NTRK3: variants seen among roughly 807,000 people sequenced by gnomAD.
NTRK3 encodes the protein NT-3 growth factor receptor.
Under a neutral mutation model 91.7 loss-of-function variants are expected in NTRK3, and 24 were observed. That is an observed-to-expected ratio of 0.26 (90% confidence interval 0.19 to 0.37). NTRK3 has a LOEUF of 0.37. NTRK3 is among the 10% of genes least tolerant of loss of function. The pLI is 1.00. For missense variants in NTRK3, 880 were observed against 1,068.9 expected, an observed-to-expected ratio of 0.82 and a Z score of 2.46; for synonymous variants, 483 against 404.0, an observed-to-expected ratio of 1.20 and a Z score of -2.34.
At chr15:88,006,821 A>G (rs925990790) in intron 14 of NTRK3, among the ~76,000 whole-genome samples, 3 of 152,216 alleles carry the variant, frequency 2.0e-5, no homozygotes, top group African/African-American at 7.2e-5. Flanking sequence ...ACACATGCAC[A>G]GCCCATGACG....
At chr15:88,183,518 G>A (rs778616201) in intron 4 of NTRK3, 29 bp from the exon 5 acceptor site, 6 of 1,604,572 alleles carry the variant, frequency 3.7e-6, no homozygotes, top group Admixed American at 1.7e-5. Context: ...AGGATCAGCA[G>A]AGCTCAAGTG....
chr15:88,223,423 C>T (rs557168016), intron 3 of NTRK3, among the ~76,000 whole-genome samples: 30 of 152,300 alleles, frequency 2.0e-4, no homozygotes, highest in Admixed American at 1.4e-3. Flanking sequence ...AGCTGGCAGG[C>T]GAAGACTGCA....
In NTRK3 at chr15:88,153,367, C is replaced by T. The variant is rs150405283; in HGVS notation, c.396-5964G>A. Among the ~76,000 whole-genome samples, 1,026 of 152,174 alleles carry T rather than the reference C, an allele frequency of 6.7e-3. 49 individuals carry two copies. The East Asian group carries it at 0.13, about 19-fold the overall frequency. On this transcript the variant is annotated intron_variant, in intron 5 of 18. Coordinates refer to ENST00000394480, the Ensembl canonical transcript of NTRK3. ...AAGCGATTCTTCTGCCTACGCCTCC[C>T]GAGTAGCTGGGATTAAAGGCATGTG...
intron 3 of NTRK3, among the ~76,000 whole-genome samples, chr15:88,246,841 T>C (rs2052874019): frequency 6.6e-6 from 1 of 152,144 alleles, no homozygotes; most frequent in Non-Finnish European, 1.5e-5. Context: ...ATGCCCCTCA[T>C]AGAGGAGAGC....
At chr15:87,990,607 A>C (rs950359437) in intron 14 of NTRK3, among the ~76,000 whole-genome samples, 1 of 152,194 alleles carries the variant, frequency 6.6e-6, no homozygotes, top group African/African-American at 2.4e-5. Context: ...TTGCCTTTCT[A>C]TATTGGAGAA....
At chr15:87,895,277 T>C (rs1339267824) in intron 17 of NTRK3, among the ~76,000 whole-genome samples, 3 of 152,246 alleles carry the variant, frequency 2.0e-5, no homozygotes, top group Admixed American at 2.0e-4. Flanking sequence ...TACTGTACTA[T>C]AGCATACATA....
At chr15:88,120,253 T>TCTG (rs1437623863) in intron 13 of NTRK3, among the ~76,000 whole-genome samples, 6 of 152,204 alleles carry the variant, frequency 3.9e-5, no homozygotes, top group Admixed American at 3.9e-4. Flanking sequence ...AAATCAAGAC[T>TCTG]CTGGCAGGAT....
At position 87,944,836 on chromosome 15, in the gene NTRK3, C is replaced by G. The variant is rs140907578; in HGVS notation, c.1586-4083G>C. Reference sequence around the variant, plus strand: ...CGGGAGGAAGAGCCTCTGCTCAGGCCCTGGGGAATGACTGGAGTGAGCCGT... The same window carrying G: ...CGGGAGGAAGAGCCTCTGCTCAGGCGCTGGGGAATGACTGGAGTGAGCCGT... On this transcript the variant is annotated intron_variant, in intron 14 of 18. Coordinates refer to ENST00000394480, the Ensembl canonical transcript of NTRK3. 1.0e-3 allele frequency among the ~76,000 whole-genome samples: 154 copies of G among 152,300 alleles called. 1 individual carries two copies. Among genetic ancestry groups the G allele is most frequent in the African/African-American group, 3.4e-3 (143 of 41,550 alleles).
intron 13 of NTRK3, among the ~76,000 whole-genome samples, chr15:88,039,642 A>G: frequency 6.6e-6 from 1 of 152,236 alleles, no homozygotes; most frequent in East Asian, 1.9e-4. Flanking sequence ...CAGATGTTTG[A>G]AATGCTTGTT....
At chr15:87,964,060 G>C (rs1260209997) in intron 14 of NTRK3, among the ~76,000 whole-genome samples, 1 of 152,118 alleles carries the variant, frequency 6.6e-6, no homozygotes, top group Non-Finnish European at 1.5e-5. Flanking sequence ...AACTGGGGTG[G>C]GGAAGGGATT....
intron 14 of NTRK3, among the ~76,000 whole-genome samples, chr15:87,987,525 ATG>A (rs140007526): frequency 2.8e-4 from 41 of 148,130 alleles, no homozygotes; most frequent in East Asian, 4.0e-4. Context: ...AGATAGATAG[ATG>A]TGTGTGTGTG....
rs563526217 is a variant in NTRK3, at chr15:88,072,899, A to C, written c.1397-39854T>G. 1.3e-5 allele frequency: 3 copies of C among 231,518 alleles called. No homozygotes were observed. The Admixed American group carries it at 1.7e-4, about 13-fold the overall frequency. 14.3% of individuals were successfully genotyped at this position (231,518 alleles called of 1,614,324 possible). ...GCAGCCCAGCATCAGCCCAGTCAAGACAGCTCACCTTCAGAGGAGAGAAAA... is the reference window on the plus strand; with the variant it reads ...GCAGCCCAGCATCAGCCCAGTCAAGCCAGCTCACCTTCAGAGGAGAGAAAA... On this transcript the variant is annotated intron_variant, in intron 13 of 18. Coordinates refer to ENST00000394480, the Ensembl canonical transcript of NTRK3.
At chr15:87,962,947 G>A (rs567760236) in intron 14 of NTRK3, among the ~76,000 whole-genome samples, 18 of 152,178 alleles carry the variant, frequency 1.2e-4, no homozygotes, top group Non-Finnish European at 2.2e-4. Context: ...CAAGGCTCTG[G>A]CCAGAAGAGC....
intron 14 of NTRK3, among the ~76,000 whole-genome samples, chr15:87,985,758 G>A (rs1431471930): frequency 6.6e-6 from 1 of 152,114 alleles, no homozygotes; most frequent in African/African-American, 2.4e-5. Flanking sequence ...TGAGATAAAG[G>A]GGCATGGACC....
intron 13 of NTRK3, among the ~76,000 whole-genome samples, chr15:88,056,177 T>C (rs995690864): frequency 1.2e-5 from 1 of 84,932 alleles, no homozygotes; most frequent in African/African-American, 5.8e-5. Flanking sequence ...ACTGTTTTCA[T>C]ATATATATAT....
At chr15:87,906,065 C>T (rs1203047485) in intron 17 of NTRK3, among the ~76,000 whole-genome samples, 1 of 152,212 alleles carries the variant, frequency 6.6e-6, no homozygotes, top group Non-Finnish European at 1.5e-5. Context: ...CTTACTTCCA[C>T]TTCCTGCCAA....
intron 14 of NTRK3, among the ~76,000 whole-genome samples, chr15:88,024,928 G>C (rs1187610353): frequency 6.6e-6 from 1 of 152,232 alleles, no homozygotes; most frequent in Non-Finnish European, 1.5e-5. Context: ...TGACAGCTTA[G>C]AAGTGAAGTA....
chr15:88,057,859 C>G (rs1296944287), intron 13 of NTRK3, among the ~76,000 whole-genome samples: 1 of 152,226 alleles, frequency 6.6e-6, no homozygotes, highest in Non-Finnish European at 1.5e-5. Context: ...GCGGATTGCC[C>G]TCATTGCTCT....
At chr15:88,119,933 C>T (rs569388530) in intron 13 of NTRK3, among the ~76,000 whole-genome samples, 2 of 152,334 alleles carry the variant, frequency 1.3e-5, no homozygotes, top group Non-Finnish European at 2.9e-5. Flanking sequence ...CTATCACACA[C>T]CACACTTCCA....
Sources: allele counts gnomAD v4.1 joint callset (sites outside exome capture counted in the v4.1 genomes callset), GRCh38; gene constraint gnomAD v4.1.1; transcripts MANE v1.5; gene names NCBI Gene and HGNC (gene_info 2026-07-23, HGNC 2026-07-21).